Variants in TMEM217B observed in about 807,000 individuals in gnomAD.
The protein encoded by TMEM217B is transmembrane protein 217B.
At chr6:37,218,005 T>C in the TMEM217B span, 2 of 990,886 alleles carry the variant, frequency 2.0e-6, no homozygotes, top group Non-Finnish European at 2.4e-6. Flanking sequence ...TTTCTCTTCA[T>C]GTTCTCCTGA....
At chr6:37,249,302 A>ATTC in the TMEM217B span, among the ~76,000 whole-genome samples, 275 of 151,790 alleles carry the variant, frequency 1.8e-3, 1 homozygote, top group African/African-American at 3.1e-3. Flanking sequence ...ATTTCTTTTC[A>ATTC]TTCTTCTTCT....
the TMEM217B span, among the ~76,000 whole-genome samples, chr6:37,222,077 C>A: frequency 4.6e-5 from 7 of 152,328 alleles, no homozygotes; most frequent in Admixed American, 2.6e-4. Context: ...TCTCTTCGTC[C>A]TCTAGCCATC....
the TMEM217B span, chr6:37,217,940 C>A: frequency 2.0e-6 from 2 of 986,886 alleles, no homozygotes; most frequent in Non-Finnish European, 2.4e-6. Context: ...TCACAATATC[C>A]TTTAACTAAA....
the TMEM217B span, among the ~76,000 whole-genome samples, chr6:37,245,895 G>A: frequency 0.065 from 9,897 of 151,774 alleles, 1,052 homozygotes; most frequent in African/African-American, 0.22. Context: ...TGCCTCCCGG[G>A]TTCAAGCGAT....
At chr6:37,222,714 A>G in the TMEM217B span, among the ~76,000 whole-genome samples, 3 of 152,360 alleles carry the variant, frequency 2.0e-5, no homozygotes, top group East Asian at 1.9e-4. Flanking sequence ...AGCCCGCCCA[A>G]GAGGGCGGGA....
At chr6:37,233,753 C>T in the TMEM217B span, among the ~76,000 whole-genome samples, 2 of 152,192 alleles carry the variant, frequency 1.3e-5, no homozygotes, top group Non-Finnish European at 2.9e-5. Flanking sequence ...TGGTCCCTAA[C>T]TTACTTAAGT....
the TMEM217B span, among the ~76,000 whole-genome samples, chr6:37,254,122 G>T: frequency 6.6e-6 from 1 of 152,204 alleles, no homozygotes; most frequent in Non-Finnish European, 1.5e-5. Flanking sequence ...GAGGTCCATG[G>T]ATCAGCAGCA....
the TMEM217B span, chr6:37,215,158 G>A: frequency 6.2e-7 from 1 of 1,605,062 alleles, no homozygotes; most frequent in Non-Finnish European, 8.5e-7. Context: ...TCTGCCGCTA[G>A]CCAAGGTCCT....
At chr6:37,246,308 C>T in the TMEM217B span, among the ~76,000 whole-genome samples, 1 of 149,760 alleles carries the variant, frequency 6.7e-6, no homozygotes, top group East Asian at 1.9e-4. Flanking sequence ...TTCCAGGCTT[C>T]AGTCTGGATT....
chr6:37,215,416 G>C, the TMEM217B span: 1 of 1,143,968 alleles, frequency 8.7e-7, no homozygotes, highest in African/African-American at 1.6e-5. Flanking sequence ...CTCTACTAAA[G>C]ATACAAAAAT....
the TMEM217B span, among the ~76,000 whole-genome samples, chr6:37,224,624 A>G: frequency 3.0e-4 from 44 of 148,184 alleles, no homozygotes; most frequent in Non-Finnish European, 6.0e-4. Context: ...CGAAAAAAAA[A>G]CCTTTTATTT....
At chr6:37,242,936 A>G in the TMEM217B span, among the ~76,000 whole-genome samples, 12 of 152,050 alleles carry the variant, frequency 7.9e-5, no homozygotes, top group Admixed American at 7.9e-4. Flanking sequence ...GAAAACCCCT[A>G]GCAGTCTTCT....
At chr6:37,251,460 G>A in the TMEM217B span, among the ~76,000 whole-genome samples, 1 of 152,194 alleles carries the variant, frequency 6.6e-6, no homozygotes, top group Non-Finnish European at 1.5e-5. Context: ...CAGGAAATGA[G>A]AATTGAGGAA....
the TMEM217B span, among the ~76,000 whole-genome samples, chr6:37,240,062 C>T: frequency 2.0e-5 from 3 of 152,058 alleles, no homozygotes; most frequent in Non-Finnish European, 2.9e-5. Flanking sequence ...TAAGAAGAGG[C>T]GAGACAGAAA....
the TMEM217B span, chr6:37,217,555 A>T: frequency 2.4e-6 from 2 of 825,678 alleles, no homozygotes; most frequent in Non-Finnish European, 2.9e-6. Context: ...AAGTATGTTT[A>T]ACATATATCT....
the TMEM217B span, among the ~76,000 whole-genome samples, chr6:37,226,264 TG>T: frequency 6.6e-6 from 1 of 150,992 alleles, no homozygotes. Context: ...TGTTTTATTT[TG>T]TTTTTTTGAG....
chr6:37,229,427 C>G, the TMEM217B span, among the ~76,000 whole-genome samples: 1 of 134,900 alleles, frequency 7.4e-6, no homozygotes, highest in Non-Finnish European at 1.5e-5. Context: ...ACTGCAAGCT[C>G]CGCCTCCCGG....
chr6:37,212,851 A>T, the TMEM217B span: 1 of 1,273,570 alleles, frequency 7.9e-7, no homozygotes, highest in Non-Finnish European at 1.1e-6. Flanking sequence ...GTCCACGTAG[A>T]TGCTGAACTT....
the TMEM217B span, among the ~76,000 whole-genome samples, chr6:37,215,589 A>G: frequency 6.6e-6 from 1 of 150,478 alleles, no homozygotes; most frequent in African/African-American, 2.4e-5. Flanking sequence ...AAAAAAAAAA[A>G]AAAAAAAAAA....
Sources: allele counts gnomAD v4.1 joint callset (sites outside exome capture counted in the v4.1 genomes callset), GRCh38; gene constraint gnomAD v4.1.1; transcripts MANE v1.5; gene names NCBI Gene and HGNC (gene_info 2026-07-23, HGNC 2026-07-21).